GRID2: variants seen among roughly 807,000 people sequenced by gnomAD.
The protein encoded by GRID2 is glutamate receptor ionotropic, delta-2.
GRID2 carries 33 observed loss-of-function variants against 114.8 expected under a neutral mutation model. That is an observed-to-expected ratio of 0.29 (90% CI 0.22 to 0.38). GRID2 has a LOEUF of 0.38. Ranked by LOEUF, GRID2 falls within the 10% of genes least tolerant of loss-of-function variation. The probability of loss-of-function intolerance (pLI) is 1.00; values close to 1 mark genes in which losing one functional copy is unlikely to be tolerated. For synonymous variants in GRID2, 505 were observed against 449.9 expected (o/e 1.12, Z -1.55); for missense variants, 1,184 against 1,257.7 (o/e 0.94, Z 0.89).
chr4:93,705,053 A>G (rs1578617752), intron 14 of GRID2, among the ~76,000 whole-genome samples: 1 of 152,124 alleles, frequency 6.6e-6, no homozygotes, highest in Non-Finnish European at 1.5e-5. Flanking sequence ...GGCTTTACTA[A>G]TTTACATTCC....
At chr4:93,449,910 C>T (rs1298165999) in intron 10 of GRID2, among the ~76,000 whole-genome samples, 1 of 151,776 alleles carries the variant, frequency 6.6e-6, no homozygotes, top group African/African-American at 2.4e-5. Flanking sequence ...TACAAAAGAA[C>T]CAAAGAATGA....
intron 1 of GRID2, among the ~76,000 whole-genome samples, chr4:92,561,094 A>G (rs1727084651): frequency 6.6e-6 from 1 of 152,210 alleles, no homozygotes; most frequent in Non-Finnish European, 1.5e-5. Context: ...TGATAGAGAC[A>G]GCAGAGTATA....
intron 2 of GRID2, among the ~76,000 whole-genome samples, chr4:92,767,368 T>C (rs1374925284): frequency 6.6e-6 from 1 of 152,200 alleles, no homozygotes; most frequent in Non-Finnish European, 1.5e-5. Flanking sequence ...GTGTCTGTTA[T>C]GGTAACTTGG....
chr4:93,498,465 T>C (rs1727755873), intron 12 of GRID2, among the ~76,000 whole-genome samples: 1 of 151,916 alleles, frequency 6.6e-6, no homozygotes, highest in Non-Finnish European at 1.5e-5. Context: ...AACCCAAGTA[T>C]TAAAATCATA....
Position 92,896,903 on chromosome 4 carries a change from C to T in GRID2, c.245-188092C>T, listed in dbSNP as rs528531684. On this transcript the variant is annotated intron_variant, in intron 2 of 15. Transcript: ENST00000282020. Reference sequence around the variant, plus strand: ...GATTACAGGTATGTGCGACGACGCCCGGCTAATTTTGTATTTTTAGTAGAG... The same window carrying T: ...GATTACAGGTATGTGCGACGACGCCTGGCTAATTTTGTATTTTTAGTAGAG... Among the ~76,000 whole-genome samples, 154 of 152,120 alleles carry T rather than the reference C, an allele frequency of 1.0e-3. 1 individual carries two copies. Among genetic ancestry groups the T allele is most frequent in the Admixed American group, 2.6e-3 (39 of 15,276 alleles).
intron 8 of GRID2, among the ~76,000 whole-genome samples, chr4:93,357,463 T>A (rs1273389159): frequency 1.5e-4 from 23 of 151,488 alleles, no homozygotes; most frequent in Admixed American, 1.5e-3. Context: ...TTTCCTATTT[T>A]TGGGGGAAGT....
intron 7 of GRID2, among the ~76,000 whole-genome samples, chr4:93,235,588 T>C (rs752165643): frequency 2.6e-5 from 4 of 152,054 alleles, no homozygotes; most frequent in Non-Finnish European, 5.9e-5. Flanking sequence ...AGTTAAAGGG[T>C]TTATTTGCTC....
intron 8 of GRID2, among the ~76,000 whole-genome samples, chr4:93,322,130 T>C (rs913434086): frequency 1.3e-5 from 2 of 151,940 alleles, no homozygotes; most frequent in Non-Finnish European, 1.5e-5. Flanking sequence ...ATGTGCCATG[T>C]TGGTGTGCTG....
chr4:92,661,045 A>G (rs1184982045), intron 2 of GRID2, among the ~76,000 whole-genome samples: 1 of 150,840 alleles, frequency 6.6e-6, no homozygotes, highest in Non-Finnish European at 1.5e-5. Context: ...TGTCAAGTGG[A>G]TAAATCTTTA....
At chr4:93,252,450 A>G (rs551355358) in intron 8 of GRID2, among the ~76,000 whole-genome samples, 140 of 150,114 alleles carry the variant, frequency 9.3e-4, no homozygotes, top group African/African-American at 3.3e-3. Flanking sequence ...TACAAGTACC[A>G]TGCTGTTTTT....
At chr4:92,306,977 T>A (rs1725441590) in intron 1 of GRID2, among the ~76,000 whole-genome samples, 1 of 152,132 alleles carries the variant, frequency 6.6e-6, no homozygotes, top group South Asian at 2.1e-4. Context: ...TAGCAAATTG[T>A]TTCAAAAACT....
intron 8 of GRID2, among the ~76,000 whole-genome samples, chr4:93,305,713 C>A (rs1056202537): frequency 2.0e-5 from 3 of 152,094 alleles, no homozygotes; most frequent in African/African-American, 7.2e-5. Context: ...GCTGGTTAAA[C>A]CAAGTCAATG....
chr4:93,472,099 C>T (rs1053029496), intron 11 of GRID2, among the ~76,000 whole-genome samples: 7 of 150,886 alleles, frequency 4.6e-5, no homozygotes, highest in South Asian at 2.1e-4. Context: ...CTGAGGCGGG[C>T]GGATCACCTG....
At chr4:93,373,803 A>G (rs150315740) in intron 8 of GRID2, among the ~76,000 whole-genome samples, 3,155 of 152,292 alleles carry the variant, frequency 0.021, 52 homozygotes, top group Non-Finnish European at 0.032. Flanking sequence ...CACTGAAATC[A>G]TTTTTGTTGT....
chr4:92,827,007 A>C (rs911466475), intron 2 of GRID2, among the ~76,000 whole-genome samples: 2 of 152,044 alleles, frequency 1.3e-5, no homozygotes, highest in Non-Finnish European at 2.9e-5. Context: ...TTCATCAAAA[A>C]TATCCAAAAT....
chr4:92,593,012 T>G (rs1167092710), intron 2 of GRID2, among the ~76,000 whole-genome samples: 2 of 152,032 alleles, frequency 1.3e-5, no homozygotes, highest in Non-Finnish European at 2.9e-5. Context: ...TGCAAACTTG[T>G]ATTGAGAGGG....
intron 1 of GRID2, among the ~76,000 whole-genome samples, chr4:92,468,174 T>G (rs1289963399): frequency 1.3e-5 from 2 of 152,070 alleles, no homozygotes; most frequent in Non-Finnish European, 2.9e-5. Context: ...TTATTTAATA[T>G]TTACTGAGTG....
intron 1 of GRID2, among the ~76,000 whole-genome samples, chr4:92,372,726 C>T (rs1729176240): frequency 6.6e-6 from 1 of 152,044 alleles, no homozygotes; most frequent in Non-Finnish European, 1.5e-5. Flanking sequence ...TTTTAAGTCA[C>T]TTAACAAATA....
At chr4:92,336,556 T>C (rs963856589) in intron 1 of GRID2, among the ~76,000 whole-genome samples, 1 of 152,202 alleles carries the variant, frequency 6.6e-6, no homozygotes, top group Non-Finnish European at 1.5e-5. Flanking sequence ...TGCATATTGG[T>C]GTCCACTACC....
Sources: gnomAD v4.1 joint callset for allele counts (sites outside exome capture counted in the v4.1 genomes callset) on GRCh38, gnomAD v4.1.1 for gene constraint, MANE v1.5 for transcripts, NCBI Gene and HGNC (gene_info 2026-07-23, HGNC 2026-07-21) for gene names.